The following CYTIP variants were observed in gnomAD, a reference collection of about 807,000 sequenced individuals.
The protein encoded by CYTIP is cytohesin 1 interacting protein, also known as cytohesin-interacting protein.
A neutral mutation model predicts 43.8 loss-of-function variants in CYTIP; 26 were observed. The ratio of observed to expected loss-of-function variants is 0.59; its 90% confidence interval spans 0.44 to 0.82. The LOEUF (loss-of-function observed/expected upper bound fraction) is 0.82, where lower values mean the gene tolerates loss of function less well. CYTIP is among the 40% of genes least tolerant of loss of function. The probability of loss-of-function intolerance (pLI) is 0.00; values close to 1 mark genes in which losing one functional copy is unlikely to be tolerated. For synonymous variants in CYTIP, 162 were observed against 162.9 expected (o/e 0.99, Z 0.04); for missense variants, 426 against 443.1 (o/e 0.96, Z 0.35).
chr2:157,417,910 T>G (rs1685461693), intron 7 of CYTIP, among the ~76,000 whole-genome samples: 2 of 152,234 alleles, frequency 1.3e-5, no homozygotes, highest in African/African-American at 4.8e-5. Context: ...TACACAAAAG[T>G]TCATTCCTTT....
In CYTIP at chr2:157,430,599, G is replaced by A; in HGVS notation, c.436C>T (p.Gln146Ter). Residue 146 changes from glutamine to a stop codon, truncating the protein, a stop_gained, in exon 5 of 8, where the codon CAA becomes TAA. Coordinates refer to ENST00000264192, the MANE Select transcript of CYTIP (RefSeq NM_004288.5). LOFTEE classifies it high-confidence loss of function. ...GACGATCTGATCAGGTCAACGACTTGTTTGTAGGTAAAACCTTCTGTGCTC... is the reference window on the plus strand; with the variant it reads ...GACGATCTGATCAGGTCAACGACTTATTTGTAGGTAAAACCTTCTGTGCTC... The part of the protein sequence containing the change: ...GVSTEGFTYK[Q>*]VVDLIRSSGN... 6.2e-7 allele frequency: 1 copy of A among 1,614,188 alleles called. No individual in the cohort carries two copies. The highest frequency in any genetic ancestry group is 1.1e-5 in the South Asian group (1 of 91,088).
chr2:157,416,000 T>G lies in CYTIP; in HGVS notation c.757A>C (p.Met253Leu). 6.2e-7 allele frequency: 1 copy of G among 1,614,242 alleles called. No individual in the cohort carries two copies. Among genetic ancestry groups the G allele is most frequent in the East Asian group, 2.2e-5 (1 of 44,874 alleles). Reference protein sequence around the residue: ...ESSCKSWLSSMTMDSEDGYQT... With the variant: ...ESSCKSWLSSLTMDSEDGYQT... ...TAGCCATCTTCACTGTCCATCGTCA[T>G]GGAGCTCAGCCAGCTCTTACAGCTG... The change falls in exon 8 of 8, where the codon ATG becomes CTG. Residue 253 changes from methionine to leucine, a missense_variant. Coordinates refer to ENST00000264192, the MANE Select transcript of CYTIP (RefSeq NM_004288.5).
At chr2:157,422,374 A>G (rs909468608) in intron 6 of CYTIP, among the ~76,000 whole-genome samples, 2 of 152,210 alleles carry the variant, frequency 1.3e-5, no homozygotes, top group Non-Finnish European at 2.9e-5. Flanking sequence ...ATGAAAATAG[A>G]AAAGTGTTCA....
intron 5 of CYTIP, among the ~76,000 whole-genome samples, chr2:157,428,752 A>T (rs181763472): frequency 8.5e-5 from 13 of 152,310 alleles, no homozygotes; most frequent in Admixed American, 7.2e-4. Flanking sequence ...GAGCAAAAGC[A>T]CCTCATCCTT....
intron 7 of CYTIP, among the ~76,000 whole-genome samples, chr2:157,418,043 C>G (rs575936487): frequency 6.6e-6 from 1 of 152,298 alleles, no homozygotes; most frequent in South Asian, 2.1e-4. Context: ...GCATTTATGT[C>G]TTTGTCTTGG....
chr2:157,423,243 A>G (rs1685552333), intron 6 of CYTIP, among the ~76,000 whole-genome samples: 1 of 152,076 alleles, frequency 6.6e-6, no homozygotes, highest in African/African-American at 2.4e-5. Context: ...AGATGGCCAC[A>G]AATACTGGTT....
chr2:157,430,730 C>T, intron 4 of CYTIP, 78 bp from the exon 5 acceptor site: 1 of 1,488,708 alleles, frequency 6.7e-7, no homozygotes, highest in South Asian at 1.1e-5. Flanking sequence ...AAACAAGCAG[C>T]TCCAAGTCTT....
chr2:157,419,469 G>A (rs890433947), intron 6 of CYTIP, among the ~76,000 whole-genome samples: 2 of 152,164 alleles, frequency 1.3e-5, no homozygotes, highest in African/African-American at 2.4e-5. Context: ...CTGCCACATG[G>A]GTCAAGACAG....
intron 1 of CYTIP, among the ~76,000 whole-genome samples, chr2:157,435,327 A>T (rs1278408492): frequency 6.6e-6 from 1 of 152,216 alleles, no homozygotes; most frequent in Non-Finnish European, 1.5e-5. Flanking sequence ...TCTCTAAACA[A>T]CCAACTCACA....
At chr2:157,422,959 C>A (rs547540213) in intron 6 of CYTIP, among the ~76,000 whole-genome samples, 113 of 151,942 alleles carry the variant, frequency 7.4e-4, no homozygotes, top group African/African-American at 2.2e-3. Flanking sequence ...AAATAAAGAC[C>A]TATGAAATAG....
At chr2:157,440,201 A>C (rs971109554) in intron 1 of CYTIP, among the ~76,000 whole-genome samples, 1 of 152,138 alleles carries the variant, frequency 6.6e-6, no homozygotes, top group African/African-American at 2.4e-5. Flanking sequence ...CTCACTCCCC[A>C]ATTCTTCCAT....
intron 5 of CYTIP, 118 bp downstream of exon 5, chr2:157,430,441 C>T (rs1191484860): frequency 8.6e-6 from 7 of 816,020 alleles, no homozygotes; most frequent in African/African-American, 3.4e-5. Context: ...TCTAAAGCTC[C>T]GGTGCACTGC....
chr2:157,441,603 TACACACACACAC>T (rs35513959), intron 1 of CYTIP, among the ~76,000 whole-genome samples: 5,286 of 148,620 alleles, frequency 0.036, 119 homozygotes, highest in Non-Finnish European at 0.053. Context: ...TATATGCACA[TACACACACACAC>T]ACACACACAC....
chr2:157,423,931 A>G (rs1314114303), intron 6 of CYTIP, among the ~76,000 whole-genome samples: 1 of 152,210 alleles, frequency 6.6e-6, no homozygotes, highest in African/African-American at 2.4e-5. Flanking sequence ...AAAGTATTTG[A>G]TAAAGTTTAA....
Position 157,434,837 on chromosome 2 carries a change from TCTCTCTCTCTCTCACACA to T in CYTIP, c.175-108_175-91del, listed in dbSNP as rs1478428777. 4.4e-5 allele frequency: 21 copies of T among 477,198 alleles called. No homozygotes were observed. The African/African-American group carries it at 5.0e-4, about 11-fold the overall frequency. The allele number at this position is 477,198 out of a possible 1,614,324, so 29.6% of individuals were successfully genotyped here. ...ATCTCTCTCTCTCTCTCTCTCTCTC[TCTCTCTCTCTCTCACACA>T]CACACACACACACACACACACACAC... On this transcript the variant is annotated intron_variant, in intron 1 of 7. Transcript: ENST00000264192.
rs373848406 is a variant in CYTIP, at chr2:157,422,684, A to G, written c.547-4095T>C. 3.0e-3 allele frequency among the ~76,000 whole-genome samples: 452 copies of G among 151,790 alleles called. 3 individuals carry two copies. Among genetic ancestry groups the G allele is most frequent in the African/African-American group, 9.5e-3 (395 of 41,484 alleles). On this transcript the variant is annotated intron_variant, in intron 6 of 7. Coordinates refer to ENST00000264192, the MANE Select transcript of CYTIP (RefSeq NM_004288.5). ...AAACTCTGTCTCAAAAAAAAAAAAAAAAAGAAAAGTGTCCAAAAAAGACTT... is the reference window on the plus strand; with the variant it reads ...AAACTCTGTCTCAAAAAAAAAAAAAGAAAGAAAAGTGTCCAAAAAAGACTT...
At chr2:157,420,265 CA>C (rs1685498571) in intron 6 of CYTIP, among the ~76,000 whole-genome samples, 1 of 152,146 alleles carries the variant, frequency 6.6e-6, no homozygotes, top group East Asian at 1.9e-4. Flanking sequence ...CCTGTAATCC[CA>C]ATACTTTGGG....
Position 157,418,599 on chromosome 2 carries a change from TAAA to T in CYTIP, c.547-13_547-11del, listed in dbSNP as rs5835667. 5.8e-4 allele frequency: 785 copies of T among 1,352,160 alleles called. No homozygotes were observed. Among genetic ancestry groups the T allele is most frequent in the Admixed American group, 1.4e-3 (53 of 38,500 alleles). 83.8% of individuals were successfully genotyped at this position (1,352,160 alleles called of 1,614,324 possible). On this transcript the variant is annotated splice_polypyrimidine_tract_variant and intron_variant, in intron 6 of 7. Coordinates refer to ENST00000264192, the MANE Select transcript of CYTIP (RefSeq NM_004288.5). ...TTTGTTTCAAAGTTTGCTGTGAGAT[TAAA>T]AAAAAAAAAAAAAAGTTTTTATTAT...
chr2:157,421,048 A>T (rs1234520564), intron 6 of CYTIP, among the ~76,000 whole-genome samples: 1 of 152,210 alleles, frequency 6.6e-6, no homozygotes, highest in Admixed American at 6.5e-5. Context: ...CACTTAAACC[A>T]AGAAAATACC....
Sources: gnomAD v4.1 joint callset for allele counts (sites outside exome capture counted in the v4.1 genomes callset) on GRCh38, gnomAD v4.1.1 for gene constraint, MANE v1.5 for transcripts, NCBI Gene and HGNC (gene_info 2026-07-23, HGNC 2026-07-21) for gene names.